The following LCOR variants were observed in gnomAD, a reference collection of about 807,000 sequenced individuals.
LCOR encodes the protein ligand-dependent corepressor.
LCOR carries 14 observed loss-of-function variants against 64.4 expected under a neutral mutation model. The ratio of observed to expected loss-of-function variants is 0.22; its 90% CI spans 0.14 to 0.34. The LOEUF (loss-of-function observed/expected upper bound fraction) is 0.34, where lower values mean the gene tolerates loss of function less well. LCOR is among the 10% of genes least tolerant of loss of function. The pLI is 1.00. For synonymous variants in LCOR, 643 were observed against 642.5 expected (o/e 1.00, Z -0.01); for missense variants, 1,686 against 1,765.3 (o/e 0.96, Z 0.80).
intron 4 of LCOR, among the ~76,000 whole-genome samples, chr10:96,940,158 A>G (rs185073743): frequency 6.6e-6 from 1 of 152,346 alleles, no homozygotes; most frequent in Admixed American, 6.5e-5. Context: ...TATGTGGAGA[A>G]GTCAGAACCC....
intron 4 of LCOR, among the ~76,000 whole-genome samples, chr10:96,921,413 T>A (rs1056226873): frequency 2.6e-5 from 4 of 152,168 alleles, no homozygotes; most frequent in Non-Finnish European, 5.9e-5. Context: ...TTTGAGTAAA[T>A]TTTTATATAC....
intron 4 of LCOR, among the ~76,000 whole-genome samples, chr10:96,925,562 G>A (rs974907726): frequency 2.6e-5 from 4 of 152,088 alleles, no homozygotes; most frequent in South Asian, 2.1e-4. Context: ...TACAATGCCA[G>A]TTTAATCAGG....
At chr10:96,906,873 G>C (rs1368028815) in intron 2 of LCOR, among the ~76,000 whole-genome samples, 1 of 152,112 alleles carries the variant, frequency 6.6e-6, no homozygotes, top group Non-Finnish European at 1.5e-5. Flanking sequence ...TTTGAAAAAT[G>C]CTATTTAGAT....
intron 4 of LCOR, among the ~76,000 whole-genome samples, chr10:96,912,194 A>G (rs900769842): frequency 3.9e-5 from 6 of 152,136 alleles, no homozygotes; most frequent in African/African-American, 1.4e-4. Flanking sequence ...TCGGCCTCCC[A>G]AAGTGTGATA....
At chr10:96,878,588 TAAAG>T (rs1234085863) in intron 2 of LCOR, among the ~76,000 whole-genome samples, 1 of 152,114 alleles carries the variant, frequency 6.6e-6, no homozygotes, top group African/African-American at 2.4e-5. Flanking sequence ...TTGGAGACAA[TAAAG>T]AATTCAGTTT....
intron 2 of LCOR, among the ~76,000 whole-genome samples, chr10:96,849,017 T>C (rs1845680277): frequency 6.6e-6 from 1 of 150,634 alleles, no homozygotes; most frequent in Non-Finnish European, 1.5e-5. Flanking sequence ...AAATGTTTTT[T>C]TTTTTTTTTT....
At chr10:96,870,157 G>A (rs570251721) in intron 2 of LCOR, among the ~76,000 whole-genome samples, 1 of 151,168 alleles carries the variant, frequency 6.6e-6, no homozygotes, top group Non-Finnish European at 1.5e-5. Flanking sequence ...TGAGTAGCTG[G>A]GACTACAGGC....
intron 2 of LCOR, among the ~76,000 whole-genome samples, chr10:96,843,148 A>G (rs150878338): frequency 4.6e-5 from 7 of 152,072 alleles, no homozygotes; most frequent in Admixed American, 1.3e-4. Context: ...TTTTGGAGAC[A>G]AGGTCTGGTT....
chr10:96,889,931 G>A (rs1846410460), intron 2 of LCOR, among the ~76,000 whole-genome samples: 1 of 152,130 alleles, frequency 6.6e-6, no homozygotes, highest in African/African-American at 2.4e-5. Context: ...ACTTAGGAGT[G>A]GAATGCTGGG....
At chr10:96,911,004 C>G (rs1341314775) in intron 4 of LCOR, among the ~76,000 whole-genome samples, 1 of 151,568 alleles carries the variant, frequency 6.6e-6, no homozygotes, top group African/African-American at 2.4e-5. Context: ...ACTTCAGGAT[C>G]GCGCAGAAGT....
At position 96,984,616 on chromosome 10, in the gene LCOR, G is replaced by C. The variant is rs755650704; in HGVS notation, c.4156G>C (p.Val1386Leu). 2 of 1,614,100 alleles carry C rather than the reference G, an allele frequency of 1.2e-6. No individual in the cohort carries two copies. The highest frequency in any genetic ancestry group is 1.7e-6 in the Non-Finnish European group (2 of 1,180,058). ...EGMKGRKGKQ[V>L]SEILPKAEVQ... ...AATGAAGGGAAGGAAGGGGAAGCAGGTGTCTGAAATCTTGCCTAAAGCAGA... is the reference window on the plus strand; with the variant it reads ...AATGAAGGGAAGGAAGGGGAAGCAGCTGTCTGAAATCTTGCCTAAAGCAGA... Residue 1386 changes from valine to leucine, a missense_variant, in exon 8 of 8, where the codon GTG (valine) becomes CTG (leucine). Physicochemically the swap from Val to Leu is conservative, Grantham distance 32. Around this residue, in one of 3 missense-constraint regions of LCOR, gnomAD observed 1,293 missense variants for 1,410.4 expected, o/e 0.92. Coordinates refer to ENST00000421806, the MANE Select transcript of LCOR (RefSeq NM_001346516.2).
chr10:96,908,709 C>G (rs1846773079), intron 4 of LCOR, among the ~76,000 whole-genome samples: 1 of 142,474 alleles, frequency 7.0e-6, no homozygotes, highest in Non-Finnish European at 1.6e-5. Context: ...ATGCTTTCTT[C>G]TGCCGTATAC....
intron 4 of LCOR, among the ~76,000 whole-genome samples, chr10:96,910,117 GC>G (rs145077921): frequency 5.7e-4 from 87 of 152,186 alleles, no homozygotes; most frequent in Non-Finnish European, 1.0e-3. Flanking sequence ...TCACTGTGTT[GC>G]CCAGGCTGGA....
chr10:96,869,750 T>C (rs1297260278), intron 2 of LCOR, among the ~76,000 whole-genome samples: 1 of 152,028 alleles, frequency 6.6e-6, no homozygotes, highest in Non-Finnish European at 1.5e-5. Context: ...ATTTTTTGTA[T>C]TTTTAGTAGA....
intron 2 of LCOR, among the ~76,000 whole-genome samples, chr10:96,894,947 C>T (rs1464091221): frequency 6.6e-6 from 1 of 152,116 alleles, no homozygotes; most frequent in Non-Finnish European, 1.5e-5. Context: ...AAAGATAGAA[C>T]AGTAAAAAAG....
At chr10:96,924,369 A>G (rs746887488) in intron 4 of LCOR, among the ~76,000 whole-genome samples, 5 of 139,234 alleles carry the variant, frequency 3.6e-5, no homozygotes, top group African/African-American at 6.2e-5. Flanking sequence ...CGCCCAGCCA[A>G]TTTGTTTTTG....
chr10:96,867,061 A>G (rs903932629), intron 2 of LCOR, among the ~76,000 whole-genome samples: 38 of 151,738 alleles, frequency 2.5e-4, no homozygotes, highest in African/African-American at 9.2e-4. Flanking sequence ...ATCTCGGCTC[A>G]CCGCAACCTC....
chr10:96,948,862 G>A, intron 5 of LCOR, 146 bp from the exon 6 acceptor site: 2 of 483,600 alleles, frequency 4.1e-6, no homozygotes, highest in Non-Finnish European at 3.5e-6. Context: ...CAACTCAAAA[G>A]CTTAGAAAAC....
chr10:96,875,846 A>G (rs1316830891), intron 2 of LCOR, among the ~76,000 whole-genome samples: 3 of 152,152 alleles, frequency 2.0e-5, no homozygotes, highest in East Asian at 1.9e-4. Flanking sequence ...AGCCTGGGCA[A>G]CAAAGAGAGA....
Sources: gnomAD v4.1 joint callset for allele counts (sites outside exome capture counted in the v4.1 genomes callset) on GRCh38, gnomAD v4.1.1 for gene constraint, gnomAD v4.1.1 regional missense constraint, MANE v1.5 for transcripts, NCBI Gene and HGNC (gene_info 2026-07-23, HGNC 2026-07-21) for gene names.